MARK2: variants seen among roughly 807,000 people sequenced by gnomAD.
MARK2 encodes the protein microtubule affinity regulating kinase 2.
A neutral mutation model predicts 89.8 loss-of-function variants in MARK2; 16 were observed. The observed-to-expected ratio is 0.18, with a 90% CI of 0.12 to 0.27. The LOEUF is 0.27. Among genes scored for constraint, MARK2 ranks in the 10% least tolerant of loss-of-function variants. MARK2 has a pLI of 1.00. For synonymous variants in MARK2, 382 were observed against 399.5 expected, an observed-to-expected ratio of 0.96 and a Z score of 0.52; for missense variants, 621 against 1,049.9, an observed-to-expected ratio of 0.59 and a Z score of 5.65.
intron 1 of MARK2, among the ~76,000 whole-genome samples, chr11:63,882,348 C>T (rs1939142005): frequency 6.6e-6 from 1 of 152,178 alleles, no homozygotes; most frequent in Admixed American, 6.5e-5. Context: ...CTTTGGGAGG[C>T]CGAGCTGGGC....
intron 16 of MARK2, 48 bp downstream of exon 16, chr11:63,905,091 T>A: frequency 1.1e-6 from 1 of 927,134 alleles, no homozygotes; most frequent in Non-Finnish European, 1.6e-6. Context: ...CAGGCCTTCC[T>A]GCTTTACTCG....
intron 1 of MARK2, among the ~76,000 whole-genome samples, chr11:63,883,421 A>G (rs1019565824): frequency 6.6e-6 from 1 of 152,206 alleles, no homozygotes; most frequent in Non-Finnish European, 1.5e-5. Context: ...TGGTACTTAC[A>G]GTCAAATTTC....
intron 3 of MARK2, 24 bp downstream of exon 3, chr11:63,895,657 C>G: frequency 7.0e-7 from 1 of 1,420,780 alleles, no homozygotes; most frequent in East Asian, 2.3e-5. Flanking sequence ...ACCTCCTGTC[C>G]CTTTTTTTTT....
chr11:63,842,512 C>T (rs1354825135), intron 1 of MARK2, among the ~76,000 whole-genome samples: 1 of 152,004 alleles, frequency 6.6e-6, no homozygotes, highest in African/African-American at 2.4e-5. Context: ...GGCCTGATTC[C>T]TGTATTCTTT....
At chr11:63,869,110 TC>T (rs1184841449) in intron 1 of MARK2, among the ~76,000 whole-genome samples, 1 of 152,166 alleles carries the variant, frequency 6.6e-6, no homozygotes, top group African/African-American at 2.4e-5. Flanking sequence ...CTTTTGAATC[TC>T]CTTTTATTGA....
chr11:63,903,175 C>G lies in MARK2; in HGVS notation c.1514+17C>G. The G allele has an allele frequency of 1.3e-6, 2 of 1,587,574 alleles. No individual in the cohort carries two copies. The highest frequency in any genetic ancestry group is 1.7e-6 in the Non-Finnish European group (2 of 1,158,232). ...CAAAGACAGGTGAGAGACCCGGGCC[C>G]TGCCTGCCTCACTCCCTAGGAGCCA... On this transcript the variant is annotated intron_variant, in intron 14 of 18. Transcript: ENST00000402010. This position sits in a 1 kb window ranked among gnomAD's most constrained non-coding sequence, Gnocchi z 5.1.
chr11:63,900,158 T>C lies in MARK2; in HGVS notation c.768+48T>C. On this transcript the variant is annotated intron_variant, in intron 8 of 18. Coordinates refer to ENST00000402010, the MANE Select transcript of MARK2 (RefSeq NM_001039469.3). This position sits in a 1 kb window ranked among gnomAD's most constrained non-coding sequence, Gnocchi z 4.7. ...TATTGCTTCTCATTTCCTCTCGGCC[T>C]CTGGTCTTAGCCCTGACCTCCTGCC... is the stretch of plus-strand genomic sequence containing the variant. 1 of 1,435,066 alleles carries C rather than the reference T, an allele frequency of 7.0e-7. No homozygotes were observed. 88.9% of individuals were successfully genotyped at this position (1,435,066 alleles called of 1,614,324 possible).
rs551841444 is a variant in MARK2, at chr11:63,882,342, G to T, written c.55-12817G>T. On this transcript the variant is annotated intron_variant, in intron 1 of 18. Transcript: ENST00000402010. Reference sequence around the variant, plus strand: ...CTCACACCTGTAATCCCAGCACTTTGGGAGGCCGAGCTGGGCGGATCACCT... The same window carrying T: ...CTCACACCTGTAATCCCAGCACTTTTGGAGGCCGAGCTGGGCGGATCACCT... 4.6e-5 allele frequency among the ~76,000 whole-genome samples: 7 copies of T among 152,122 alleles called. No individual in the cohort carries two copies. The East Asian group carries it at 1.4e-3, about 29-fold the overall frequency.
At chr11:63,874,836 A>G (rs1190225860) in intron 1 of MARK2, among the ~76,000 whole-genome samples, 2 of 152,140 alleles carry the variant, frequency 1.3e-5, no homozygotes, top group Non-Finnish European at 2.9e-5. Context: ...AGATACCAGC[A>G]GGAATCCTGG....
chr11:63,902,746 T>C lies in MARK2; in HGVS notation c.1380T>C (p.Gly460=), dbSNP rs931939221. ...AGGTGCCTGCCAGCCCCCTGCCCGG[T>C]CTGGAGAGGAAGAAGACCACCCCAA... is the stretch of plus-strand genomic sequence containing the variant. ...TAKVPASPLP[G]LERKKTTPTP... is the part of the protein sequence containing the mutation. The change falls in exon 13 of 19, where the codon GGT becomes GGC. Residue 460 remains glycine (G), a synonymous_variant. Coordinates refer to ENST00000402010, the MANE Select transcript of MARK2 (RefSeq NM_001039469.3). This position sits in a 1 kb window ranked among gnomAD's most constrained non-coding sequence, Gnocchi z 4.2. 1.9e-6 allele frequency: 3 copies of C among 1,613,486 alleles called. No homozygotes were observed. Among genetic ancestry groups the C allele is most frequent in the Non-Finnish European group, 2.5e-6 (3 of 1,179,946 alleles).
At chr11:63,891,156 T>C (rs1434967379) in intron 1 of MARK2, among the ~76,000 whole-genome samples, 1 of 152,170 alleles carries the variant, frequency 6.6e-6, no homozygotes, top group Non-Finnish European at 1.5e-5. Context: ...TTTTTCCTTT[T>C]TGTGAACAGC....
At chr11:63,884,507 G>A (rs1388732851) in intron 1 of MARK2, among the ~76,000 whole-genome samples, 1 of 152,252 alleles carries the variant, frequency 6.6e-6, no homozygotes, top group Non-Finnish European at 1.5e-5. Flanking sequence ...GAGCTAAAGG[G>A]CAGTAAACCA....
chr11:63,906,996 C>T (rs981218625), intron 17 of MARK2, among the ~76,000 whole-genome samples: 2 of 152,106 alleles, frequency 1.3e-5, no homozygotes, highest in Non-Finnish European at 2.9e-5. Flanking sequence ...ATCTCTGCAC[C>T]CTTACTCAGG....
chr11:63,903,043 G>T lies in MARK2; in HGVS notation c.1417-18G>T. On this transcript the variant is annotated intron_variant, in intron 13 of 18. Transcript: ENST00000402010. The surrounding 1 kb of genome is among the most constrained non-coding windows in gnomAD (Gnocchi z 5.1). ...ACTTTGGCTTTCTGATAGAACGCTT[G>T]CCCTTTATTCCCCACAGAACAGCGT... 6.2e-7 allele frequency: 1 copy of T among 1,608,914 alleles called. No individual in the cohort carries two copies. The highest frequency in any genetic ancestry group is 8.5e-7 in the Non-Finnish European group (1 of 1,175,518).
chr11:63,893,040 C>T (rs1179738049), intron 1 of MARK2, among the ~76,000 whole-genome samples: 1 of 151,262 alleles, frequency 6.6e-6, no homozygotes, highest in Non-Finnish European at 1.5e-5. Context: ...TCCCTAGTAG[C>T]TGGGATTACA....
In MARK2 at chr11:63,856,768, GTTTTTTTTTT is replaced by G. The variant is rs71039681; in HGVS notation, c.54+17236_54+17245del. Among the ~76,000 whole-genome samples the G allele has an allele frequency of 1.5e-3, 79 of 53,812 alleles. 1 individual carries two copies. Among genetic ancestry groups the G allele is most frequent in the African/African-American group, 5.2e-3 (71 of 13,650 alleles). The allele number at this position is 53,812 out of a possible 152,430, so 35.3% of individuals were successfully genotyped here. ...TTTTTTCCATTTTTAAATTTTTCAT[GTTTTTTTTTT>G]TTTTTTTTTTTTTTTTTTTTTTTTT... On this transcript the variant is annotated intron_variant, in intron 1 of 18. Transcript: ENST00000402010.
intron 1 of MARK2, among the ~76,000 whole-genome samples, chr11:63,845,346 G>A (rs1428942594): frequency 6.6e-6 from 1 of 152,118 alleles, no homozygotes; most frequent in Non-Finnish European, 1.5e-5. Context: ...GGAAAGGGTG[G>A]GTGGAGTTTA....
chr11:63,902,545 G>C lies in MARK2; in HGVS notation c.1235-56G>C. ...CCTGTAGGAAATGAGCATGCGTGGG[G>C]CTGGCACTCAGTGGACCCCTTGGCC... On this transcript the variant is annotated intron_variant, in intron 12 of 18. Transcript: ENST00000402010. The surrounding 1 kb of genome is among the most constrained non-coding windows in gnomAD (Gnocchi z 4.2). The C allele has an allele frequency of 6.5e-7, 1 of 1,527,138 alleles. No individual in the cohort carries two copies. Among genetic ancestry groups the C allele is most frequent in the Non-Finnish European group, 9.0e-7 (1 of 1,112,154 alleles). The allele number at this position is 1,527,138 out of a possible 1,614,324, so 94.6% of individuals were successfully genotyped here.
In MARK2 at chr11:63,903,895, T is replaced by TCTGGCCCTTCCCCTGCC; in HGVS notation, c.1515-88_1515-72dup. ...TTCTACCCTGCCAGAGCTCCCCAGC[T>TCTGGCCCTTCCCCTGCC]CTGGCCCTTCCCCTGCCCTTGCTTC... On this transcript the variant is annotated intron_variant, in intron 14 of 18. Transcript: ENST00000402010. The surrounding 1 kb of genome is among the most constrained non-coding windows in gnomAD (Gnocchi z 5.1). 8.8e-7 allele frequency: 1 copy of TCTGGCCCTTCCCCTGCC among 1,135,408 alleles called. No individual in the cohort carries two copies. Among genetic ancestry groups the TCTGGCCCTTCCCCTGCC allele is most frequent in the Non-Finnish European group, 1.2e-6 (1 of 801,466 alleles). 70.3% of individuals were successfully genotyped at this position (1,135,408 alleles called of 1,614,324 possible).
Sources: allele counts gnomAD v4.1 joint callset (sites outside exome capture counted in the v4.1 genomes callset), GRCh38; gene constraint gnomAD v4.1.1; non-coding constraint Gnocchi (gnomAD v3.1); transcripts MANE v1.5; gene names NCBI Gene and HGNC (gene_info 2026-07-23, HGNC 2026-07-21).